The following SLC24A2 variants were observed in gnomAD, a reference collection of about 807,000 sequenced individuals.
SLC24A2 encodes solute carrier family 24 member 2.
SLC24A2 carries 36 observed loss-of-function variants against 62.0 expected under a neutral mutation model. The ratio of observed to expected loss-of-function variants is 0.58; its 90% CI spans 0.44 to 0.77. The LOEUF (loss-of-function observed/expected upper bound fraction) is 0.77, where lower values mean the gene tolerates loss of function less well. SLC24A2 is among the 30% of genes least tolerant of loss of function. The pLI is 0.00. For missense variants in SLC24A2, 846 were observed against 817.9 expected (o/e 1.03, Z -0.42); for synonymous variants, 358 against 294.0 (o/e 1.22, Z -2.23).
chr9:19,633,252 G>A (rs771752528), intron 2 of SLC24A2, among the ~76,000 whole-genome samples: 11 of 152,218 alleles, frequency 7.2e-5, no homozygotes. Context: ...CACGAAAGCT[G>A]CTATGAACAT....
chr9:19,874,543 G>C, the SLC24A2 span, among the ~76,000 whole-genome samples: 33 of 152,270 alleles, frequency 2.2e-4, 1 homozygote, highest in Middle Eastern at 3.4e-3. Flanking sequence ...TAATGATCTT[G>C]AATATGCAAA....
intron 8 of SLC24A2, among the ~76,000 whole-genome samples, chr9:19,541,978 G>T (rs537270196): frequency 6.6e-6 from 1 of 152,176 alleles, no homozygotes; most frequent in Non-Finnish European, 1.5e-5. Flanking sequence ...TCCAGGTGCC[G>T]TCTGTCACCC....
At chr9:20,171,096 G>T in the SLC24A2 span, among the ~76,000 whole-genome samples, 2 of 151,918 alleles carry the variant, frequency 1.3e-5, no homozygotes, top group Non-Finnish European at 2.9e-5. Flanking sequence ...TATCAGCCAA[G>T]AATTTTGTGT....
At chr9:20,068,503 C>G in the SLC24A2 span, among the ~76,000 whole-genome samples, 1 of 152,140 alleles carries the variant, frequency 6.6e-6, no homozygotes, top group Non-Finnish European at 1.5e-5. Context: ...CTAATCAAGC[C>G]TCCACACTGA....
the SLC24A2 span, among the ~76,000 whole-genome samples, chr9:20,129,847 C>T: frequency 2.0e-5 from 3 of 150,602 alleles, no homozygotes; most frequent in African/African-American, 7.3e-5. Flanking sequence ...TGTTCAGGAA[C>T]TATGTAAAGG....
the SLC24A2 span, among the ~76,000 whole-genome samples, chr9:20,043,154 G>A: frequency 1.1e-4 from 17 of 152,264 alleles, no homozygotes; most frequent in South Asian, 2.1e-4. Flanking sequence ...GCTGAGACAC[G>A]CCAAAAGCTA....
At chr9:20,013,831 T>G in the SLC24A2 span, among the ~76,000 whole-genome samples, 1 of 152,138 alleles carries the variant, frequency 6.6e-6, no homozygotes, top group Admixed American at 6.5e-5. Context: ...GAAAAAATGC[T>G]CAGTATCGCT....
the SLC24A2 span, among the ~76,000 whole-genome samples, chr9:20,256,761 C>G: frequency 6.6e-6 from 1 of 152,104 alleles, no homozygotes; most frequent in African/African-American, 2.4e-5. Flanking sequence ...CATACCTAGA[C>G]AGTAGAAGCA....
At chr9:20,185,493 G>A in the SLC24A2 span, among the ~76,000 whole-genome samples, 633 of 151,814 alleles carry the variant, frequency 4.2e-3, 1 homozygote, top group Admixed American at 8.5e-3. Flanking sequence ...GTGAAACCCC[G>A]TCTCTACTAA....
chr9:19,829,357 T>A, the SLC24A2 span, among the ~76,000 whole-genome samples: 1 of 152,058 alleles, frequency 6.6e-6, no homozygotes, highest in South Asian at 2.1e-4. Context: ...TAAGAGCACA[T>A]TGGGTGGTTG....
chr9:19,739,166 T>G (rs1821599704), intron 2 of SLC24A2, among the ~76,000 whole-genome samples: 1 of 152,164 alleles, frequency 6.6e-6, no homozygotes, highest in South Asian at 2.1e-4. Flanking sequence ...AAAATGTGCA[T>G]GACTGCTACA....
rs764359070 is a variant in SLC24A2 at position 19,509,564 on chromosome 9, A to T, written c.*6589T>A. The T allele has an allele frequency of 4.6e-5, 7 of 152,170 alleles. No individual in the cohort carries two copies. The highest frequency in any genetic ancestry group is 8.8e-5 in the Non-Finnish European group (6 of 68,018). 9.4% of individuals were successfully genotyped at this position (152,170 alleles called of 1,614,324 possible). A position where few individuals can be genotyped will look rare whatever the true frequency, so the allele number is the denominator to read the frequency against. ...TAAAGTGCAATATTAAAAAATTAAAAAACCCAAAAGGCATCCATTGTCCTT... is the reference window on the plus strand; with the variant it reads ...TAAAGTGCAATATTAAAAAATTAAATAACCCAAAAGGCATCCATTGTCCTT... On this transcript the variant is annotated 3_prime_UTR_variant, in exon 11 of 11. Coordinates refer to ENST00000341998, the MANE Select transcript of SLC24A2 (RefSeq NM_020344.4).
At chr9:19,975,501 G>A in the SLC24A2 span, among the ~76,000 whole-genome samples, 2 of 152,124 alleles carry the variant, frequency 1.3e-5, no homozygotes, top group Admixed American at 1.3e-4. Flanking sequence ...CTCTTAGTTT[G>A]GTTAAGTTGT....
At chr9:20,278,461 T>G in the SLC24A2 span, among the ~76,000 whole-genome samples, 1 of 152,094 alleles carries the variant, frequency 6.6e-6, no homozygotes, top group Non-Finnish European at 1.5e-5. Context: ...CTAAATCACC[T>G]CTCAAGTTCA....
the SLC24A2 span, among the ~76,000 whole-genome samples, chr9:19,900,832 A>C: frequency 2.6e-5 from 4 of 152,192 alleles, no homozygotes; most frequent in African/African-American, 9.6e-5. Flanking sequence ...AATTTTGGGA[A>C]ATATGCTCTT....
the SLC24A2 span, among the ~76,000 whole-genome samples, chr9:19,838,695 C>T: frequency 6.6e-6 from 1 of 151,622 alleles, no homozygotes. Flanking sequence ...AGTCTTTCAC[C>T]TCTTTGGTGA....
chr9:20,171,779 C>T, the SLC24A2 span, among the ~76,000 whole-genome samples: 2 of 152,008 alleles, frequency 1.3e-5, no homozygotes, highest in East Asian at 1.9e-4. Flanking sequence ...GACTTCAATG[C>T]TCCACTGACA....
At chr9:19,856,840 C>A in the SLC24A2 span, among the ~76,000 whole-genome samples, 2 of 152,220 alleles carry the variant, frequency 1.3e-5, no homozygotes, top group Non-Finnish European at 2.9e-5. Flanking sequence ...CTGCACTGCA[C>A]TGGGGAGAAA....
intron 2 of SLC24A2, among the ~76,000 whole-genome samples, chr9:19,639,842 C>T (rs1040712053): frequency 6.6e-6 from 1 of 152,114 alleles, no homozygotes; most frequent in Non-Finnish European, 1.5e-5. Flanking sequence ...AGGAAGCAAA[C>T]CAACCTTTGA....
Sources: gnomAD v4.1 joint callset for allele counts (sites outside exome capture counted in the v4.1 genomes callset) on GRCh38, gnomAD v4.1.1 for gene constraint, MANE v1.5 for transcripts, NCBI Gene and HGNC (gene_info 2026-07-23, HGNC 2026-07-21) for gene names.